DPP9: variants seen among roughly 807,000 people sequenced by gnomAD.
DPP9 encodes the protein dipeptidyl peptidase IV-related protein-2.
In DPP9, 50 loss-of-function variants were observed where a neutral mutation model predicts 110.7. The observed-to-expected ratio is 0.45, with a 90% CI of 0.36 to 0.57. DPP9 has a LOEUF of 0.57. Among genes scored for constraint, DPP9 ranks in the 20% least tolerant of loss-of-function variants. The pLI is 0.00. For synonymous variants in DPP9, 561 were observed against 514.4 expected (o/e 1.09, Z -1.23); for missense variants, 1,022 against 1,217.9 (o/e 0.84, Z 2.39).
chr19:4,683,933 G>A, intron 18 of DPP9: 1 of 937,688 alleles, frequency 1.1e-6, no homozygotes, highest in Non-Finnish European at 1.5e-6. Context: ...CCATTTTCTA[G>A]AGGGCACAAG....
Position 4,689,953 on chromosome 19 carries a change from G to A in DPP9, c.1597-231C>T, listed in dbSNP as rs778504640. Among the ~76,000 whole-genome samples, 1 of 152,192 alleles carries A rather than the reference G, an allele frequency of 6.6e-6. No individual in the cohort carries two copies. Among genetic ancestry groups the A allele is most frequent in the Admixed American group, 6.5e-5 (1 of 15,288 alleles). On this transcript the variant is annotated intron_variant, in intron 14 of 21. Coordinates refer to ENST00000262960, the MANE Select transcript of DPP9 (RefSeq NM_139159.5). This position sits in a 1 kb window ranked among gnomAD's most constrained non-coding sequence, Gnocchi z 7.0. ...AGCTGGGAACTGCGTGTCCTCAGGC[G>A]GGACCTGGGGCCTGCATTCCACCCC...
chr19:4,718,663 T>C lies in DPP9; in HGVS notation c.56+1188A>G, dbSNP rs992426972. On this transcript the variant is annotated intron_variant, in intron 3 of 21. Coordinates refer to ENST00000262960, the MANE Select transcript of DPP9 (RefSeq NM_139159.5). This position sits in a 1 kb window ranked among gnomAD's most constrained non-coding sequence, Gnocchi z 4.3. The stretch of plus-strand genomic sequence containing the variant: ...CTGTGCCCAGGTGGGACATTAAGTG[T>C]GTGCAGATAAGGGAAGGGACACAGA... Among the ~76,000 whole-genome samples, 6 of 152,164 alleles carry C rather than the reference T, an allele frequency of 3.9e-5. No homozygotes were observed. The highest frequency in any genetic ancestry group is 1.4e-4 in the African/African-American group (6 of 41,436).
chr19:4,697,258 T>C (rs2091885955), intron 11 of DPP9, among the ~76,000 whole-genome samples: 1 of 152,186 alleles, frequency 6.6e-6, no homozygotes, highest in Non-Finnish European at 1.5e-5. Flanking sequence ...GCCTGAGGTC[T>C]GGGGACACCT....
intron 3 of DPP9, chr19:4,715,880 G>C: frequency 6.6e-6 from 1 of 152,286 alleles, no homozygotes; most frequent in African/African-American, 2.4e-5. Flanking sequence ...CCCCACTCCC[G>C]CCCTCGTCAC....
chr19:4,697,185 T>C (rs573625036), intron 11 of DPP9, among the ~76,000 whole-genome samples: 83 of 151,994 alleles, frequency 5.5e-4, no homozygotes, highest in African/African-American at 2.0e-3. Flanking sequence ...CTCCTCGACA[T>C]GGGTGGGAGG....
At position 4,700,160 on chromosome 19, in the gene DPP9, C is replaced by A. The variant is rs1033165353; in HGVS notation, c.1074+56G>T. ...CCTGCCCATCCACCCAGCTGCCTAC[C>A]CGGCCCTTCCCCGCATCATCTAGTA... On this transcript the variant is annotated intron_variant, in intron 10 of 21. Transcript: ENST00000262960. The surrounding 1 kb of genome is among the most constrained non-coding windows in gnomAD (Gnocchi z 4.3). 30 of 1,412,908 alleles carry A rather than the reference C, an allele frequency of 2.1e-5. No individual in the cohort carries two copies. In the Admixed American group the frequency reaches 6.0e-4, roughly 28 times the overall value. 87.5% of individuals were successfully genotyped at this position (1,412,908 alleles called of 1,614,324 possible).
chr19:4,714,136 C>G lies in DPP9; in HGVS notation c.258G>C (p.Gln86His). 6.2e-7 allele frequency: 1 copy of G among 1,613,570 alleles called. No homozygotes were observed. Among genetic ancestry groups the G allele is most frequent in the Non-Finnish European group, 8.5e-7 (1 of 1,179,728 alleles). Residue 86 changes from glutamine to histidine, a missense_variant, in exon 4 of 22, where the codon CAG becomes CAC. By Grantham distance (24) the Gln-to-His change is conservative. Transcript: ENST00000262960. ...CAGACTCATCCGTCTTCTGCACAAACTGGAAGTCGTGGGGCGCCTTGTTGA... is the reference window on the plus strand; with the variant it reads ...CAGACTCATCCGTCTTCTGCACAAAGTGGAAGTCGTGGGGCGCCTTGTTGA... Reference protein sequence around the residue: ...LIVNKAPHDFQFVQKTDESGP... With the variant: ...LIVNKAPHDFHFVQKTDESGP...
At chr19:4,679,762 C>T (rs2089539440) in intron 21 of DPP9, 73 bp downstream of exon 21, 1 of 1,211,006 alleles carries the variant, frequency 8.3e-7, no homozygotes, top group African/African-American at 1.5e-5. Context: ...GAAGCCACCC[C>T]GCCTCGTCCC....
intron 13 of DPP9, among the ~76,000 whole-genome samples, chr19:4,691,441 A>T (rs1197768893): frequency 6.6e-6 from 1 of 150,930 alleles, no homozygotes; most frequent in East Asian, 1.9e-4. Flanking sequence ...CACCACTGCC[A>T]CTCCAGCCTG....
chr19:4,716,559 C>T (rs1037750281), intron 3 of DPP9, among the ~76,000 whole-genome samples: 13 of 152,004 alleles, frequency 8.6e-5, no homozygotes, highest in African/African-American at 3.1e-4. Flanking sequence ...ATGGCGTGAA[C>T]CCGGGAGGCG....
chr19:4,713,768 C>T (rs1162866179), intron 4 of DPP9, among the ~76,000 whole-genome samples: 1 of 152,168 alleles, frequency 6.6e-6, no homozygotes, highest in Non-Finnish European at 1.5e-5. Context: ...CTGACTAGCA[C>T]TGGAAACAAT....
intron 11 of DPP9, among the ~76,000 whole-genome samples, chr19:4,697,207 G>A (rs1051211155): frequency 3.3e-5 from 5 of 152,158 alleles, no homozygotes; most frequent in African/African-American, 1.2e-4. Flanking sequence ...TGGGGAGTGA[G>A]TACAGGGGAG....
At chr19:4,706,044 G>C in intron 4 of DPP9, 74 bp from the exon 5 acceptor site, 1 of 1,341,022 alleles carries the variant, frequency 7.5e-7, no homozygotes. Flanking sequence ...CCTGCAGCTG[G>C]GCCCAGCTGG....
intron 13 of DPP9, among the ~76,000 whole-genome samples, chr19:4,692,191 G>A (rs934177096): frequency 6.6e-6 from 1 of 152,080 alleles, no homozygotes; most frequent in Non-Finnish European, 1.5e-5. Flanking sequence ...GTTTTTTTGG[G>A]GGGTAGGAGG....
chr19:4,694,655 G>A lies in DPP9; in HGVS notation c.1516+6C>T. 6.2e-7 allele frequency: 1 copy of A among 1,609,228 alleles called. No homozygotes were observed. The highest frequency in any genetic ancestry group is 8.5e-7 in the Non-Finnish European group (1 of 1,177,694). On this transcript the variant is annotated splice_donor_region_variant and intron_variant, in intron 13 of 21. Coordinates refer to ENST00000262960, the MANE Select transcript of DPP9 (RefSeq NM_139159.5). The surrounding 1 kb of genome is among the most constrained non-coding windows in gnomAD (Gnocchi z 4.0). The stretch of plus-strand genomic sequence containing the variant: ...GAGTCGACAGCATTCGTCAGGCTCT[G>A]CTCACCTTCCCCGGGGCTGAAGGGC...
Position 4,689,963 on chromosome 19 carries a change from G to A in DPP9, c.1597-241C>T, listed in dbSNP as rs1212480257. ...TGCGTGTCCTCAGGCGGGACCTGGGGCCTGCATTCCACCCCCAGACAGCTC... is the reference window on the plus strand; with the variant it reads ...TGCGTGTCCTCAGGCGGGACCTGGGACCTGCATTCCACCCCCAGACAGCTC... On this transcript the variant is annotated intron_variant, in intron 14 of 21. Transcript: ENST00000262960. This position sits in a 1 kb window ranked among gnomAD's most constrained non-coding sequence, Gnocchi z 7.0. 2.6e-5 allele frequency among the ~76,000 whole-genome samples: 4 copies of A among 152,240 alleles called. No individual in the cohort carries two copies. Among genetic ancestry groups the A allele is most frequent in the African/African-American group, 7.2e-5 (3 of 41,466 alleles).
chr19:4,683,185 C>A, intron 19 of DPP9: 1 of 1,430,270 alleles, frequency 7.0e-7, no homozygotes, highest in Non-Finnish European at 9.1e-7. Flanking sequence ...CACACCATGC[C>A]CCACCTCTGC....
At chr19:4,686,860 A>T (rs377684454) in intron 16 of DPP9, among the ~76,000 whole-genome samples, 10 of 152,172 alleles carry the variant, frequency 6.6e-5, no homozygotes, top group African/African-American at 2.4e-4. Context: ...GCGTGGCGGG[A>T]CACGCTCCGT....
chr19:4,703,529 G>A (rs956323819), intron 7 of DPP9, among the ~76,000 whole-genome samples: 5 of 151,562 alleles, frequency 3.3e-5, no homozygotes, highest in African/African-American at 4.9e-5. Flanking sequence ...CCAGCTACTC[G>A]GGAGGCTGAG....
Sources: gnomAD v4.1 joint callset for allele counts (sites outside exome capture counted in the v4.1 genomes callset) on GRCh38, gnomAD v4.1.1 for gene constraint, Gnocchi (gnomAD v3.1) non-coding constraint, MANE v1.5 for transcripts, NCBI Gene and HGNC (gene_info 2026-07-23, HGNC 2026-07-21) for gene names.